Variants in EVI5 observed in about 807,000 individuals in gnomAD.
EVI5 encodes ecotropic viral integration site 5 protein homolog.
Under a neutral mutation model 112.0 loss-of-function variants are expected in EVI5, and 73 were observed. The ratio of observed to expected loss-of-function variants is 0.65; its 90% CI spans 0.54 to 0.79. The LOEUF is 0.79. EVI5 is among the 30% of genes least tolerant of loss of function. The pLI, the probability that EVI5 is intolerant of heterozygous loss-of-function variation, is 0.00. For synonymous variants in EVI5, 305 were observed against 319.9 expected (o/e 0.95, Z 0.50); for missense variants, 900 against 968.8 (o/e 0.93, Z 0.94).
At chr1:92,568,100 G>A (rs780788615) in intron 18 of EVI5, among the ~76,000 whole-genome samples, 4 of 152,038 alleles carry the variant, frequency 2.6e-5, no homozygotes, top group East Asian at 1.9e-4. Flanking sequence ...CTGGCTGGGC[G>A]TGGTGGCTTA....
intron 1 of EVI5, among the ~76,000 whole-genome samples, chr1:92,781,306 A>G (rs1044158669): frequency 3.5e-4 from 54 of 152,232 alleles, no homozygotes; most frequent in African/African-American, 1.3e-3. Context: ...CAAGAGTTTG[A>G]GACCAGCCTG....
chr1:92,626,391 T>C (rs1655670069), intron 14 of EVI5, among the ~76,000 whole-genome samples: 2 of 152,220 alleles, frequency 1.3e-5, no homozygotes, highest in African/African-American at 2.4e-5. Context: ...GATATTCCAC[T>C]GTATAGATAT....
chr1:92,606,033 C>T (rs1650296334), intron 17 of EVI5, among the ~76,000 whole-genome samples: 2 of 152,154 alleles, frequency 1.3e-5, no homozygotes, highest in Admixed American at 1.3e-4. Flanking sequence ...ATTCTCAAAA[C>T]CTGCAAAGGC....
intron 1 of EVI5, among the ~76,000 whole-genome samples, chr1:92,757,882 C>A (rs1020557872): frequency 4.8e-5 from 5 of 103,246 alleles, no homozygotes; most frequent in African/African-American, 1.6e-4. Flanking sequence ...CCAGCCTGGG[C>A]AAAAGAGTGA....
intron 1 of EVI5, among the ~76,000 whole-genome samples, chr1:92,760,558 T>C (rs6604020): frequency 0.92 from 139,498 of 151,740 alleles, 64,189 homozygotes; most frequent in East Asian, 0.97. Context: ...ATGGTAAAAC[T>C]CTGTCTCTAC....
intron 18 of EVI5, among the ~76,000 whole-genome samples, chr1:92,574,238 C>T (rs925806086): frequency 6.6e-6 from 1 of 152,102 alleles, no homozygotes. Context: ...GGATGTGTCA[C>T]ATATTCTGTT....
chr1:92,739,276 A>AAAG, intron 1 of EVI5, among the ~76,000 whole-genome samples: 1 of 150,414 alleles, frequency 6.6e-6, no homozygotes, highest in Non-Finnish European at 1.5e-5. Flanking sequence ...TCCGTCTCAA[A>AAAG]AAAAAAAAAA....
intron 1 of EVI5, among the ~76,000 whole-genome samples, chr1:92,757,928 AAAAT>A (rs1178391974): frequency 2.6e-5 from 4 of 151,314 alleles, no homozygotes; most frequent in African/African-American, 9.7e-5. Flanking sequence ...AAAAAAAAAA[AAAAT>A]CACAGAATTA....
At chr1:92,581,451 C>T (rs1671910506) in intron 18 of EVI5, among the ~76,000 whole-genome samples, 1 of 152,240 alleles carries the variant, frequency 6.6e-6, no homozygotes, top group Non-Finnish European at 1.5e-5. Context: ...TACCACTCCT[C>T]AGTCAGAAGA....
intron 5 of EVI5, among the ~76,000 whole-genome samples, chr1:92,699,757 T>C (rs1476082813): frequency 1.3e-5 from 2 of 152,110 alleles, no homozygotes; most frequent in Non-Finnish European, 2.9e-5. Flanking sequence ...TATCTAAACA[T>C]AGAAAAAGCA....
chr1:92,628,369 G>A (rs1355288512), intron 14 of EVI5, among the ~76,000 whole-genome samples: 1 of 152,190 alleles, frequency 6.6e-6, no homozygotes, highest in African/African-American at 2.4e-5. Context: ...AATTGCATTT[G>A]ATTTTGGGTT....
Position 92,660,320 on chromosome 1 carries a change from A to C in EVI5, c.1392+2399T>G, listed in dbSNP as rs368825092. Among the ~76,000 whole-genome samples, 49 of 152,132 alleles carry C rather than the reference A, an allele frequency of 3.2e-4. No homozygotes were observed. The East Asian group carries it at 7.3e-3, about 23-fold the overall frequency. On this transcript the variant is annotated intron_variant, in intron 13 of 19. Transcript: ENST00000684568. ...CATTATGTTAAGTGAAATAAGCCAG[A>C]CACAGAAAGACAAATACCACATGAT...
chr1:92,533,695 A>G (rs1468386817), intron 19 of EVI5, among the ~76,000 whole-genome samples: 1 of 152,198 alleles, frequency 6.6e-6, no homozygotes, highest in African/African-American at 2.4e-5. Flanking sequence ...GTTTATCTCA[A>G]TAGATGCAGA....
chr1:92,711,613 C>T (rs552303004), intron 2 of EVI5, among the ~76,000 whole-genome samples: 15 of 152,164 alleles, frequency 9.9e-5, no homozygotes, highest in East Asian at 1.9e-4. Context: ...CATGATCACA[C>T]GACTGCACTC....
chr1:92,651,837 C>G (rs1450343436), intron 13 of EVI5, among the ~76,000 whole-genome samples: 3 of 122,814 alleles, frequency 2.4e-5, no homozygotes, highest in Non-Finnish European at 4.9e-5. Context: ...GGCGACAGAG[C>G]GAGACTCCGT....
intron 15 of EVI5, 78 bp downstream of exon 15, chr1:92,625,716 A>C: frequency 8.0e-7 from 1 of 1,243,142 alleles, no homozygotes; most frequent in South Asian, 1.3e-5. Flanking sequence ...ATAGGTCATC[A>C]GGTACTTCAA....
intron 18 of EVI5, among the ~76,000 whole-genome samples, chr1:92,564,826 C>T (rs1235265330): frequency 1.3e-5 from 2 of 151,884 alleles, no homozygotes; most frequent in Non-Finnish European, 2.9e-5. Context: ...ATTACAGGTG[C>T]CCAGCACTGC....
intron 18 of EVI5, among the ~76,000 whole-genome samples, chr1:92,605,063 A>C (rs906437520): frequency 2.6e-5 from 4 of 152,156 alleles, no homozygotes; most frequent in Admixed American, 2.0e-4. Flanking sequence ...GGAGGATGAA[A>C]AAGTTCTGGA....
chr1:92,533,953 T>G (rs919196312), intron 19 of EVI5, among the ~76,000 whole-genome samples: 4 of 152,098 alleles, frequency 2.6e-5, no homozygotes, highest in African/African-American at 4.8e-5. Flanking sequence ...AAGAAAGAAA[T>G]AAAGGGTATT....
Sources: gnomAD v4.1 joint callset for allele counts (sites outside exome capture counted in the v4.1 genomes callset) on GRCh38, gnomAD v4.1.1 for gene constraint, MANE v1.5 for transcripts, NCBI Gene and HGNC (gene_info 2026-07-23, HGNC 2026-07-21) for gene names.